Variants in CSRNP2 observed in about 807,000 individuals in gnomAD.
The protein encoded by CSRNP2 is cysteine/serine-rich nuclear protein 2.
Under a neutral mutation model 36.6 loss-of-function variants are expected in CSRNP2, and 11 were observed. That is an observed-to-expected ratio of 0.30 (90% confidence interval 0.19 to 0.50). CSRNP2 has a LOEUF of 0.50. CSRNP2 is among the 20% of genes least tolerant of loss of function. CSRNP2 has a pLI of 0.98. For missense variants in CSRNP2, 483 were observed against 691.4 expected (o/e 0.70, Z 3.38); for synonymous variants, 248 against 275.3 (o/e 0.90, Z 0.98).
chr12:51,079,536 G>A (rs544940507), intron 1 of CSRNP2, among the ~76,000 whole-genome samples: 1 of 151,074 alleles, frequency 6.6e-6, no homozygotes, highest in African/African-American at 2.4e-5. Flanking sequence ...GCCGAGGCGG[G>A]CAGATCACCT....
At position 51,063,937 on chromosome 12, in the gene CSRNP2, G is replaced by T; in HGVS notation, c.1441C>A (p.Leu481Ile). The T allele has an allele frequency of 6.2e-7, 1 of 1,613,418 alleles. No individual in the cohort carries two copies. Among genetic ancestry groups the T allele is most frequent in the Non-Finnish European group, 8.5e-7 (1 of 1,179,446 alleles). ...CAATCTTCGGGCAATAGAGCTTCTAGGGTGGGTGTTTTCCCCACCTCTGAT... is the reference window on the plus strand; with the variant it reads ...CAATCTTCGGGCAATAGAGCTTCTATGGTGGGTGTTTTCCCCACCTCTGAT... ...CKSEVGKTPT[L>I]EALLPEDCNP... The change falls in exon 5 of 5, where the codon CTA (leucine) becomes ATA (isoleucine). Residue 481 changes from leucine to isoleucine, a missense_variant. Transcript: ENST00000228515.
chr12:51,079,211 C>T lies in CSRNP2; in HGVS notation c.-86-2564G>A, dbSNP rs533584682. On this transcript the variant is annotated intron_variant, in intron 1 of 4. Transcript: ENST00000228515. ...ACACAGGATGGGGAACATCACACAC[C>T]GGGGCCTGTCGTGGGGTGGGGGAAG... Among the ~76,000 whole-genome samples, 27 of 151,924 alleles carry T rather than the reference C, an allele frequency of 1.8e-4. No homozygotes were observed. The Middle Eastern group carries it at 0.02, about 115-fold the overall frequency.
intron 1 of CSRNP2, among the ~76,000 whole-genome samples, chr12:51,080,512 T>C (rs931007104): frequency 6.6e-6 from 1 of 152,126 alleles, no homozygotes; most frequent in Non-Finnish European, 1.5e-5. Context: ...TGATAGGAGA[T>C]AGGTAAGAAA....
At chr12:51,073,727 GAAAAA>G (rs55789323) in intron 3 of CSRNP2, 91 bp downstream of exon 3, 1,186 of 1,029,084 alleles carry the variant, frequency 1.2e-3, no homozygotes, top group Middle Eastern at 3.4e-3. Flanking sequence ...CTCTGTCCCA[GAAAAA>G]AAAAAAAAAA....
At position 51,083,557 on chromosome 12, in the gene CSRNP2, G is replaced by C. The variant is rs868663639; in HGVS notation, c.-305C>G. The C allele has an allele frequency of 6.6e-6, 1 of 152,294 alleles. No individual in the cohort carries two copies. The highest frequency in any genetic ancestry group is 1.5e-5 in the Non-Finnish European group (1 of 68,084). The allele number at this position is 152,294 out of a possible 1,614,324, so 9.4% of individuals were successfully genotyped here. On this transcript the variant is annotated 5_prime_UTR_variant, in exon 1 of 5. Coordinates refer to ENST00000228515, the MANE Select transcript of CSRNP2 (RefSeq NM_030809.3). Reference sequence around the variant, plus strand: ...GTCTCCGGCAACTCGGGCGCCCCCGGCAGCAGACGCCCAGAACCGCCCCGG... The same window carrying C: ...GTCTCCGGCAACTCGGGCGCCCCCGCCAGCAGACGCCCAGAACCGCCCCGG...
intron 4 of CSRNP2, among the ~76,000 whole-genome samples, chr12:51,065,494 T>C (rs12301714): frequency 0.048 from 7,369 of 152,242 alleles, 401 homozygotes; most frequent in African/African-American, 0.13. Context: ...ACTCCAGTTA[T>C]ACCATTTTTT....
At position 51,083,410 on chromosome 12, in the gene CSRNP2, T is replaced by G. The variant is rs1487950638; in HGVS notation, c.-158A>C. 6.5e-6 allele frequency: 1 copy of G among 152,714 alleles called. No homozygotes were observed. The highest frequency in any genetic ancestry group is 1.5e-5 in the Non-Finnish European group (1 of 68,428). The allele number at this position is 152,714 out of a possible 1,614,324, so 9.5% of individuals were successfully genotyped here. ...CGCTGCCGCCGCCGCCCTAGCCCGG[T>G]GGGAAGGAGGGAGGAGCGAGCGAGT... On this transcript the variant is annotated 5_prime_UTR_variant, in exon 1 of 5. Transcript: ENST00000228515.
intron 3 of CSRNP2, among the ~76,000 whole-genome samples, chr12:51,068,232 A>T (rs1393992472): frequency 6.6e-6 from 1 of 152,130 alleles, no homozygotes; most frequent in African/African-American, 2.4e-5. Context: ...GTCTTGGCTC[A>T]CTACAACCTC....
chr12:51,078,136 C>G (rs1200690259), intron 1 of CSRNP2, among the ~76,000 whole-genome samples: 1 of 152,230 alleles, frequency 6.6e-6, no homozygotes, highest in Non-Finnish European at 1.5e-5. Flanking sequence ...TACTGCAGAG[C>G]AGCTACCCAG....
chr12:51,065,572 T>C (rs1259891438), intron 4 of CSRNP2, among the ~76,000 whole-genome samples: 1 of 152,014 alleles, frequency 6.6e-6, no homozygotes, highest in Non-Finnish European at 1.5e-5. Flanking sequence ...CATGGCTCAC[T>C]GCAGCCTGGA....
rs1661862330 is a variant in CSRNP2 at position 51,062,035 on chromosome 12, T to TC, written c.*1710dup. On this transcript the variant is annotated 3_prime_UTR_variant, in exon 5 of 5. Coordinates refer to ENST00000228515, the MANE Select transcript of CSRNP2 (RefSeq NM_030809.3). ...GAGATAAGGATCTGTGTACTTAAGT[T>TC]CCCCTCCAAACTAAAACCAAGCAAA... The TC allele has an allele frequency of 6.6e-6, 1 of 151,922 alleles. No homozygotes were observed. The highest frequency in any genetic ancestry group is 2.1e-4 in the South Asian group (1 of 4,812). The allele number at this position is 151,922 out of a possible 1,614,324, so 9.4% of individuals were successfully genotyped here. A position where few individuals can be genotyped will look rare whatever the true frequency, so the allele number is the denominator to read the frequency against.
In CSRNP2 at chr12:51,061,517, T is replaced by C. The variant is rs1486775874; in HGVS notation, c.*2229A>G. 6.6e-6 allele frequency: 1 copy of C among 152,644 alleles called. No individual in the cohort carries two copies. Among genetic ancestry groups the C allele is most frequent in the Non-Finnish European group, 1.5e-5 (1 of 68,038 alleles). The allele number at this position is 152,644 out of a possible 1,614,324, so 9.5% of individuals were successfully genotyped here. On this transcript the variant is annotated 3_prime_UTR_variant, in exon 5 of 5. Transcript: ENST00000228515. ...AACTCAGGTAGCACCAGAAGTGAGATGGACTAGGTTGTAGAGAAGGCCTTT... is the reference window on the plus strand; with the variant it reads ...AACTCAGGTAGCACCAGAAGTGAGACGGACTAGGTTGTAGAGAAGGCCTTT...
At chr12:51,081,194 G>T (rs927038721) in intron 1 of CSRNP2, among the ~76,000 whole-genome samples, 3 of 152,090 alleles carry the variant, frequency 2.0e-5, no homozygotes, top group African/African-American at 7.2e-5. Context: ...AGGCTAAGGC[G>T]GGAGGATTGC....
Position 51,064,202 on chromosome 12 carries a change from C to G in CSRNP2, c.1176G>C (p.Leu392=). ...GGTGGTCTGAGTTCTCGGTAAAACACAGGACAGAGGAGCCTGGGGGCAGCT... is the reference window on the plus strand; with the variant it reads ...GGTGGTCTGAGTTCTCGGTAAAACAGAGGACAGAGGAGCCTGGGGGCAGCT... ...QAQLPPGSSV[L]CFTENSDHPT... is the part of the protein sequence containing the mutation. The change falls in exon 5 of 5, where the codon CTG becomes CTC. Residue 392 remains leucine (L), a synonymous_variant. Transcript: ENST00000228515. The G allele has an allele frequency of 6.2e-7, 1 of 1,614,162 alleles. No homozygotes were observed. The highest frequency in any genetic ancestry group is 8.5e-7 in the Non-Finnish European group (1 of 1,180,020).
chr12:51,067,295 A>T lies in CSRNP2; in HGVS notation c.708+378T>A, dbSNP rs953453607. ...TATCACCTCTGAGAAATGAAACAAA[A>T]AAAGATGAGATACCTCCACAGCCTA... On this transcript the variant is annotated intron_variant, in intron 4 of 4. Transcript: ENST00000228515. This position sits in a 1 kb window ranked among gnomAD's most constrained non-coding sequence, Gnocchi z 4.1. Among the ~76,000 whole-genome samples, 1 of 152,162 alleles carries T rather than the reference A, an allele frequency of 6.6e-6. No individual in the cohort carries two copies. The highest frequency in any genetic ancestry group is 2.4e-5 in the African/African-American group (1 of 41,440).
Position 51,067,533 on chromosome 12 carries a change from G to A in CSRNP2, c.708+140C>T, listed in dbSNP as rs1009711020. ...TGTGCTGTTTGCTTACTCTGTTGACGGAGGAGGGTTGTGGAACTGGAGAGT... is the reference window on the plus strand; with the variant it reads ...TGTGCTGTTTGCTTACTCTGTTGACAGAGGAGGGTTGTGGAACTGGAGAGT... On this transcript the variant is annotated intron_variant, in intron 4 of 4. Coordinates refer to ENST00000228515, the MANE Select transcript of CSRNP2 (RefSeq NM_030809.3). The surrounding 1 kb of genome is among the most constrained non-coding windows in gnomAD (Gnocchi z 4.1). 1.3e-5 allele frequency: 10 copies of A among 753,992 alleles called. No individual in the cohort carries two copies. The highest frequency in any genetic ancestry group is 3.5e-5 in the African/African-American group (2 of 57,344). 46.7% of individuals were successfully genotyped at this position (753,992 alleles called of 1,614,324 possible).
intron 1 of CSRNP2, among the ~76,000 whole-genome samples, chr12:51,078,986 A>C (rs1319520299): frequency 6.6e-6 from 1 of 152,226 alleles, no homozygotes; most frequent in Non-Finnish European, 1.5e-5. Flanking sequence ...ATGTCCATCA[A>C]TGATAGACTG....
rs1436868426 is a variant in CSRNP2, at chr12:51,063,425, CAGAA to C, written c.*317_*320del. 5.4e-6 allele frequency: 1 copy of C among 185,988 alleles called. No individual in the cohort carries two copies. The highest frequency in any genetic ancestry group is 5.7e-5 in the Admixed American group (1 of 17,634). 11.5% of individuals were successfully genotyped at this position (185,988 alleles called of 1,614,324 possible). A position where few individuals can be genotyped will look rare whatever the true frequency, so the allele number is the denominator to read the frequency against. On this transcript the variant is annotated 3_prime_UTR_variant, in exon 5 of 5. Coordinates refer to ENST00000228515, the MANE Select transcript of CSRNP2 (RefSeq NM_030809.3). ...TCAAATTCTCGTGTTCTGGTCCCTA[CAGAA>C]AGAATAGCTGCTTGAGTTACCCAGC...
At chr12:51,069,990 G>A (rs866868064) in intron 3 of CSRNP2, among the ~76,000 whole-genome samples, 6 of 151,948 alleles carry the variant, frequency 3.9e-5, no homozygotes, top group African/African-American at 7.3e-5. Flanking sequence ...GTGAGCCACC[G>A]AGAAATCTGG....
Sources: allele counts gnomAD v4.1 joint callset (sites outside exome capture counted in the v4.1 genomes callset), GRCh38; gene constraint gnomAD v4.1.1; non-coding constraint Gnocchi (gnomAD v3.1); transcripts MANE v1.5; gene names NCBI Gene and HGNC (gene_info 2026-07-23, HGNC 2026-07-21).